Variants in MID1 observed in about 807,000 individuals in gnomAD.
MID1 encodes the protein midline 1, also known as E3 ubiquitin-protein ligase Midline-1.
MID1 carries 7 observed loss-of-function variants against 40.4 expected under a neutral mutation model. The observed-to-expected ratio is 0.17, with a 90% CI of 0.10 to 0.33. The LOEUF (loss-of-function observed/expected upper bound fraction) is 0.33. Ranked by LOEUF, MID1 falls within the 10% of genes least tolerant of loss-of-function variation. The probability of loss-of-function intolerance (pLI) is 1.00; values close to 1 mark genes in which losing one functional copy is unlikely to be tolerated. For synonymous variants in MID1, 229 were observed against 221.2 expected, an observed-to-expected ratio of 1.04 and a Z score of -0.31; for missense variants, 367 against 558.5, an observed-to-expected ratio of 0.66 and a Z score of 3.46.
At chrX:10,699,636 T>C (rs923573088) in intron 1 of MID1, among the ~76,000 whole-genome samples, 3 of 111,595 alleles carry the variant, frequency 2.7e-5, no homozygotes, top group African/African-American at 9.8e-5. Flanking sequence ...ATGTTGTACT[T>C]CTTGCTGGTG....
chrX:10,507,368 A>G (rs1465106571), intron 3 of MID1, among the ~76,000 whole-genome samples: 1 of 112,035 alleles, frequency 8.9e-6, no homozygotes, highest in Non-Finnish European at 1.9e-5. Context: ...CTTTAATTTT[A>G]TTGCCAAGAA....
chrX:10,574,469 T>C (rs1934820235), intron 1 of MID1, among the ~76,000 whole-genome samples: 1 of 112,121 alleles, frequency 8.9e-6, no homozygotes, highest in Admixed American at 9.4e-5. Context: ...TTTGCATTGT[T>C]TAACACCATC....
chrX:10,726,514 A>T (rs1988533181), intron 1 of MID1, among the ~76,000 whole-genome samples: 1 of 111,851 alleles, frequency 8.9e-6, no homozygotes, highest in Non-Finnish European at 1.9e-5. Flanking sequence ...GAGGAAAAAA[A>T]AAAACAGAAT....
intron 1 of MID1, among the ~76,000 whole-genome samples, chrX:10,763,213 T>G (rs1202227231): frequency 9.2e-6 from 1 of 109,198 alleles, no homozygotes; most frequent in Non-Finnish European, 1.9e-5. Context: ...GTGCACAACG[T>G]GCAGGTTTGT....
chrX:10,533,327 G>T (rs867454820), intron 2 of MID1, among the ~76,000 whole-genome samples: 3 of 47,819 alleles, frequency 6.3e-5, no homozygotes. Context: ...AAGAAAGAAA[G>T]GAAAGAAAGA....
chrX:10,651,782 C>T (rs975208374), intron 1 of MID1, among the ~76,000 whole-genome samples: 6 of 111,787 alleles, frequency 5.4e-5, no homozygotes, highest in African/African-American at 2.0e-4. Flanking sequence ...CATGCCACCA[C>T]ATCCAGCTAA....
rs144963113 is a variant in MID1 at position 10,569,048 on chromosome X, T to C, written c.-56-1445A>G. On this transcript the variant is annotated intron_variant, in intron 1 of 9. Coordinates refer to ENST00000317552, the MANE Select transcript of MID1 (RefSeq NM_000381.4). The stretch of plus-strand genomic sequence containing the variant: ...GCTTCACATCCAAAGCTATGTTTAG[T>C]GATTCTGACAATCAATCGTTTGTAT... Among the ~76,000 whole-genome samples the C allele has an allele frequency of 3.6e-5, 4 of 111,941 alleles. No individual in the cohort carries two copies. In the East Asian group the frequency reaches 1.1e-3, roughly 32 times the overall value.
intron 3 of MID1, among the ~76,000 whole-genome samples, chrX:10,513,470 C>T (rs1378226667): frequency 8.9e-6 from 1 of 112,198 alleles, no homozygotes; most frequent in Non-Finnish European, 1.9e-5. Flanking sequence ...AAGACCATCT[C>T]ATATAAAAGT....
chrX:10,730,428 T>G (rs1171403271), intron 1 of MID1, among the ~76,000 whole-genome samples: 1 of 111,481 alleles, frequency 9.0e-6, no homozygotes, highest in East Asian at 2.8e-4. Context: ...TTAAAATTTG[T>G]ATAAATTTAA....
chrX:10,814,670 T>C (rs1346710466), intron 1 of MID1, among the ~76,000 whole-genome samples: 1 of 110,848 alleles, frequency 9.0e-6, no homozygotes, highest in African/African-American at 3.3e-5. Flanking sequence ...AAGATCCCTG[T>C]GTTGTCCTTT....
chrX:10,589,069 C>G (rs751804695), intron 1 of MID1, among the ~76,000 whole-genome samples: 12 of 111,696 alleles, frequency 1.1e-4, no homozygotes, highest in African/African-American at 2.9e-4. Flanking sequence ...ACGCACACCA[C>G]AAAACAAAGA....
At chrX:10,463,179 C>A in intron 7 of MID1, among the ~76,000 whole-genome samples, 1 of 110,795 alleles carries the variant, frequency 9.0e-6, no homozygotes, top group Middle Eastern at 4.6e-3. Context: ...ACTCTATTAA[C>A]AAAAATAAAA....
chrX:10,827,370 T>C (rs2044222536), intron 1 of MID1, among the ~76,000 whole-genome samples: 1 of 110,302 alleles, frequency 9.1e-6, no homozygotes, highest in South Asian at 3.9e-4. Context: ...AAGCCTTGCC[T>C]GTTAGGAGAA....
At chrX:10,641,079 A>G (rs1936188425) in intron 1 of MID1, among the ~76,000 whole-genome samples, 1 of 112,053 alleles carries the variant, frequency 8.9e-6, no homozygotes, top group East Asian at 2.8e-4. Context: ...TCTAAAATTG[A>G]CACCCCAACA....
At chrX:10,588,233 T>G (rs1346724547) in intron 1 of MID1, among the ~76,000 whole-genome samples, 1 of 112,750 alleles carries the variant, frequency 8.9e-6, no homozygotes, top group Non-Finnish European at 1.9e-5. Flanking sequence ...ACCAAAGGTA[T>G]ATTTTACTTT....
At chrX:10,717,005 GT>G (rs1372742435) in intron 1 of MID1, among the ~76,000 whole-genome samples, 2 of 111,188 alleles carry the variant, frequency 1.8e-5, no homozygotes, top group Admixed American at 9.6e-5. Context: ...GAGAGATTTT[GT>G]CACCACCAGG....
chrX:10,469,797 T>C lies in MID1; in HGVS notation c.1185A>G (p.Ser395=). The change falls in exon 7 of 10, where the codon TCA becomes TCG. Residue 395 remains serine (S), a synonymous_variant. Coordinates refer to ENST00000317552, the MANE Select transcript of MID1 (RefSeq NM_000381.4). ...TCCAATGCACAGTGATGGTGTCATA[T>C]GAAGCTGTGCAGAGCTCTTCTCTAA... The part of the protein sequence containing the change: ...PTIREELCTA[S]YDTITVHWTS... 8.3e-7 allele frequency: 1 copy of C among 1,211,362 alleles called. No homozygotes were observed. The highest frequency in any genetic ancestry group is 1.1e-6 in the Non-Finnish European group (1 of 895,165).
chrX:10,725,508 A>T (rs866740578), intron 1 of MID1, among the ~76,000 whole-genome samples: 19 of 112,116 alleles, frequency 1.7e-4, no homozygotes, highest in South Asian at 1.1e-3. Flanking sequence ...TTAGTAAATT[A>T]AAAAAAATCT....
At chrX:10,498,165 GC>G (rs1029514827) in intron 3 of MID1, among the ~76,000 whole-genome samples, 1 of 112,167 alleles carries the variant, frequency 8.9e-6, no homozygotes, top group African/African-American at 3.2e-5. Context: ...GTGCACTGGT[GC>G]CATAACGGCT....
Sources: allele counts gnomAD v4.1 joint callset (sites outside exome capture counted in the v4.1 genomes callset), GRCh38; gene constraint gnomAD v4.1.1; transcripts MANE v1.5; gene names NCBI Gene and HGNC (gene_info 2026-07-23, HGNC 2026-07-21).